Variants in RNLS observed in about 807,000 individuals in gnomAD.
RNLS encodes the protein renalase.
Under a neutral mutation model 39.8 loss-of-function variants are expected in RNLS, and 39 were observed. That is an observed-to-expected ratio of 0.98 (90% CI 0.76 to 1.28). The LOEUF (loss-of-function observed/expected upper bound fraction) is 1.28, where lower values mean the gene tolerates loss of function less well. Among genes scored for constraint, RNLS ranks in the 50% most tolerant of loss-of-function variants. The probability of loss-of-function intolerance (pLI) is 0.00; values close to 1 mark genes in which losing one functional copy is unlikely to be tolerated. For missense variants in RNLS, 410 were observed against 413.3 expected (o/e 0.99, Z 0.07); for synonymous variants, 147 against 150.7 (o/e 0.98, Z 0.18).
At chr10:88,175,922 G>A in the RNLS span, among the ~76,000 whole-genome samples, 17 of 152,156 alleles carry the variant, frequency 1.1e-4, no homozygotes, top group Non-Finnish European at 2.1e-4. Flanking sequence ...GTGCTCTGGT[G>A]TTGTGTGCAC....
intron 4 of RNLS, among the ~76,000 whole-genome samples, chr10:88,562,468 G>A (rs536337774): frequency 1.1e-4 from 17 of 152,238 alleles, no homozygotes; most frequent in Admixed American, 3.3e-4. Context: ...TTATATGGTT[G>A]GAACAAAGTG....
At chr10:88,355,218 A>G in intron 5 of RNLS, among the ~76,000 whole-genome samples, 1 of 152,200 alleles carries the variant, frequency 6.6e-6, no homozygotes. Flanking sequence ...TCAACTTGTC[A>G]AAGTCATTCT....
chr10:88,500,536 TG>T (rs1409024978), intron 4 of RNLS, among the ~76,000 whole-genome samples: 16 of 152,164 alleles, frequency 1.1e-4, no homozygotes, highest in Non-Finnish European at 2.2e-4. Flanking sequence ...TTTACATGCT[TG>T]TTTTATTTCA....
intron 4 of RNLS, among the ~76,000 whole-genome samples, chr10:88,421,698 G>T (rs1466198038): frequency 6.6e-6 from 1 of 152,120 alleles, no homozygotes; most frequent in Non-Finnish European, 1.5e-5. Flanking sequence ...TCCGATGGCT[G>T]TCTTATTGGC....
At chr10:88,532,243 C>A (rs1346135371) in intron 4 of RNLS, among the ~76,000 whole-genome samples, 1 of 151,998 alleles carries the variant, frequency 6.6e-6, no homozygotes, top group Non-Finnish European at 1.5e-5. Flanking sequence ...TACACTGATG[C>A]ACACTTTACA....
intron 4 of RNLS, among the ~76,000 whole-genome samples, chr10:88,546,369 T>C (rs899867291): frequency 1.3e-5 from 2 of 152,038 alleles, no homozygotes; most frequent in Admixed American, 1.3e-4. Context: ...AAAAATGATT[T>C]GCTGATCTTT....
At chr10:88,554,506 C>T (rs1848756061) in intron 4 of RNLS, among the ~76,000 whole-genome samples, 1 of 152,020 alleles carries the variant, frequency 6.6e-6, no homozygotes, top group Non-Finnish European at 1.5e-5. Context: ...TTCACCCCCA[C>T]TACATGACCA....
At chr10:88,550,361 G>A (rs571083134) in intron 4 of RNLS, among the ~76,000 whole-genome samples, 1 of 152,262 alleles carries the variant, frequency 6.6e-6, no homozygotes, top group East Asian at 1.9e-4. Flanking sequence ...GGCCACAGAA[G>A]AGTACAAATT....
chr10:88,329,779 G>C (rs1369790456), intron 5 of RNLS, among the ~76,000 whole-genome samples: 1 of 151,414 alleles, frequency 6.6e-6, no homozygotes, highest in East Asian at 1.9e-4. Context: ...TGGTTTTTTT[G>C]ATGTTCAATT....
At chr10:88,242,527 CA>C in the RNLS span, among the ~76,000 whole-genome samples, 14 of 151,098 alleles carry the variant, frequency 9.3e-5, no homozygotes, top group African/African-American at 2.9e-4. Flanking sequence ...GTAGGTAATT[CA>C]AAAAAAAATC....
At position 88,439,603 on chromosome 10, in the gene RNLS, CTT is replaced by C. The variant is rs1841599819; in HGVS notation, c.527-76880_527-76879del. Reference sequence around the variant, plus strand: ...ATGGTTGTGTATAGCATTGGCATCTCTTGAGACATTTGTAGAATCATGACACG... The same window carrying C: ...ATGGTTGTGTATAGCATTGGCATCTCGAGACATTTGTAGAATCATGACACG... On this transcript the variant is annotated intron_variant, in intron 4 of 6. Transcript: ENST00000331772. Among the ~76,000 whole-genome samples the C allele has an allele frequency of 2.6e-5, 4 of 152,318 alleles. 1 individual carries two copies. The highest frequency in any genetic ancestry group is 4.8e-5 in the African/African-American group (2 of 41,578).
chr10:88,412,619 A>G (rs895857917), intron 4 of RNLS, among the ~76,000 whole-genome samples: 1 of 152,216 alleles, frequency 6.6e-6, no homozygotes, highest in African/African-American at 2.4e-5. Flanking sequence ...AGGCAGTCAT[A>G]TATGGCGTCA....
At chr10:88,401,154 C>T (rs982132427) in intron 4 of RNLS, among the ~76,000 whole-genome samples, 1 of 151,864 alleles carries the variant, frequency 6.6e-6, no homozygotes, top group Non-Finnish European at 1.5e-5. Flanking sequence ...AGGAAAGACA[C>T]ACTTCAGAGA....
intron 4 of RNLS, among the ~76,000 whole-genome samples, chr10:88,526,090 A>G (rs1037330739): frequency 2.6e-5 from 4 of 152,052 alleles, no homozygotes; most frequent in Non-Finnish European, 4.4e-5. Flanking sequence ...CATCTTCACA[A>G]TCTTACAGTG....
At chr10:88,506,735 TG>T (rs1289157048) in intron 4 of RNLS, among the ~76,000 whole-genome samples, 1 of 152,092 alleles carries the variant, frequency 6.6e-6, no homozygotes, top group African/African-American at 2.4e-5. Context: ...TAAAATTTCA[TG>T]CAACACATGC....
the RNLS span, among the ~76,000 whole-genome samples, chr10:88,232,737 G>T: frequency 6.6e-6 from 1 of 152,220 alleles, no homozygotes; most frequent in Non-Finnish European, 1.5e-5. Context: ...GACAGCAGTG[G>T]AGCCATCTTT....
chr10:88,523,710 A>T (rs181677796), intron 4 of RNLS, among the ~76,000 whole-genome samples: 9 of 152,178 alleles, frequency 5.9e-5, no homozygotes, highest in Admixed American at 3.3e-4. Context: ...AAAGAAGCCA[A>T]AGAAAGTCCT....
chr10:88,386,850 A>G (rs140398515), intron 4 of RNLS, among the ~76,000 whole-genome samples: 1 of 152,370 alleles, frequency 6.6e-6, no homozygotes, highest in East Asian at 1.9e-4. Flanking sequence ...CAATGTATTT[A>G]TCATCTTCTG....
chr10:88,370,752 G>T (rs1260191719), intron 4 of RNLS, among the ~76,000 whole-genome samples: 1 of 152,120 alleles, frequency 6.6e-6, no homozygotes, highest in African/African-American at 2.4e-5. Context: ...AGTGCTGAAA[G>T]TCCCATTTTC....
Sources: gnomAD v4.1 joint callset for allele counts (sites outside exome capture counted in the v4.1 genomes callset) on GRCh38, gnomAD v4.1.1 for gene constraint, MANE v1.5 for transcripts, NCBI Gene and HGNC (gene_info 2026-07-23, HGNC 2026-07-21) for gene names.